The following SLIT2 variants were observed in gnomAD, a reference collection of about 807,000 sequenced individuals.
SLIT2 encodes the protein slit guidance ligand 2.
SLIT2 carries 41 observed loss-of-function variants against 185.7 expected under a neutral mutation model. The observed-to-expected ratio is 0.22, with a 90% CI of 0.17 to 0.29. SLIT2 has a LOEUF of 0.29. Ranked by LOEUF, SLIT2 falls within the 10% of genes least tolerant of loss-of-function variation. SLIT2 has a pLI of 1.00. For synonymous variants in SLIT2, 693 were observed against 680.2 expected (o/e 1.02, Z -0.29); for missense variants, 1,571 against 1,909.0 (o/e 0.82, Z 3.30).
intron 4 of SLIT2, among the ~76,000 whole-genome samples, chr4:20,459,655 A>G (rs1398251196): frequency 6.6e-6 from 1 of 152,080 alleles, no homozygotes; most frequent in African/African-American, 2.4e-5. Context: ...CTTATCTCCA[A>G]CATTTTATAA....
At chr4:20,393,025 G>A (rs1477922610) in intron 4 of SLIT2, among the ~76,000 whole-genome samples, 2 of 151,974 alleles carry the variant, frequency 1.3e-5, no homozygotes, top group East Asian at 3.9e-4. Context: ...TATATCACTG[G>A]TGGCACAGTA....
At chr4:20,438,029 T>G (rs1729476457) in intron 4 of SLIT2, among the ~76,000 whole-genome samples, 1 of 151,680 alleles carries the variant, frequency 6.6e-6, no homozygotes. Context: ...ATTCACAATA[T>G]ATCCAGAATC....
Position 20,252,693 on chromosome 4 carries a change from GAC to G in SLIT2, c.-1120_-1119del, listed in dbSNP as rs1722136543. Among the ~76,000 whole-genome samples, 1 of 152,194 alleles carries G rather than the reference GAC, an allele frequency of 6.6e-6. No individual in the cohort carries two copies. Among genetic ancestry groups the G allele is most frequent in the African/African-American group, 2.4e-5 (1 of 41,454 alleles). ...GCTTATCTGGGAGACGAGCGGGGTTGACACGCGCGCACACACTACTGCCATTC... is the reference window on the plus strand; with the variant it reads ...GCTTATCTGGGAGACGAGCGGGGTTGACGCGCGCACACACTACTGCCATTC... On this transcript the variant is annotated 5_prime_UTR_variant, in exon 1 of 37. Transcript: ENST00000504154.
At chr4:20,456,538 T>G (rs777332854) in intron 4 of SLIT2, among the ~76,000 whole-genome samples, 2 of 152,138 alleles carry the variant, frequency 1.3e-5, no homozygotes, top group Non-Finnish European at 2.9e-5. Context: ...CATGTCATCC[T>G]GGGTTGATGT....
chr4:20,570,861 G>T (rs1725547609), intron 29 of SLIT2, among the ~76,000 whole-genome samples: 1 of 151,274 alleles, frequency 6.6e-6, no homozygotes, highest in Admixed American at 6.6e-5. Flanking sequence ...GGACTCTTGA[G>T]TTGGTTTGGA....
intron 4 of SLIT2, among the ~76,000 whole-genome samples, chr4:20,443,203 G>A (rs559324699): frequency 1.3e-5 from 2 of 152,222 alleles, no homozygotes; most frequent in African/African-American, 4.8e-5. Flanking sequence ...GATGAAGTGT[G>A]GGGTATGGCA....
intron 26 of SLIT2, among the ~76,000 whole-genome samples, chr4:20,563,776 AC>A (rs1724878684): frequency 6.6e-6 from 1 of 151,682 alleles, no homozygotes; most frequent in Non-Finnish European, 1.5e-5. Context: ...TGTTCCTCCT[AC>A]CTATTCCAAC....
chr4:20,478,580 G>A (rs1716362193), intron 5 of SLIT2, among the ~76,000 whole-genome samples: 1 of 152,198 alleles, frequency 6.6e-6, no homozygotes, highest in Non-Finnish European at 1.5e-5. Context: ...AGCTGTGTCA[G>A]CATTGATTTA....
chr4:20,412,790 C>G lies in SLIT2; in HGVS notation c.396-54962C>G, dbSNP rs550198338. 2.1e-4 allele frequency among the ~76,000 whole-genome samples: 32 copies of G among 152,024 alleles called. 1 individual carries two copies. In the South Asian group the frequency reaches 6.4e-3, roughly 31 times the overall value. On this transcript the variant is annotated intron_variant, in intron 4 of 36. Coordinates refer to ENST00000504154, the MANE Select transcript of SLIT2 (RefSeq NM_004787.4). ...AATTTTAAGACTATTTTCCATAACC[C>G]CAAAAAGAAATCTTCAGCCCATTAG...
chr4:20,387,017 T>C (rs921933521), intron 4 of SLIT2, among the ~76,000 whole-genome samples: 3 of 152,206 alleles, frequency 2.0e-5, no homozygotes, highest in African/African-American at 7.2e-5. Context: ...TTATCAGTGC[T>C]GTTCTCTTAG....
At chr4:20,281,446 C>T (rs17601458) in intron 4 of SLIT2, among the ~76,000 whole-genome samples, 29,187 of 152,108 alleles carry the variant, frequency 0.19, 3,469 homozygotes, top group Middle Eastern at 0.32. Flanking sequence ...ATTGTGCACC[C>T]GGGACAATTC....
intron 9 of SLIT2, among the ~76,000 whole-genome samples, chr4:20,496,681 G>A (rs117794341): frequency 0.013 from 2,007 of 152,124 alleles, 27 homozygotes; most frequent in South Asian, 0.073. Flanking sequence ...TGAAGTAAAC[G>A]TTCTATGAAG....
At chr4:20,288,046 C>T (rs968304278) in intron 4 of SLIT2, among the ~76,000 whole-genome samples, 3 of 151,480 alleles carry the variant, frequency 2.0e-5, no homozygotes, top group African/African-American at 7.3e-5. Context: ...TATATAGTTG[C>T]ACATAACAGA....
At chr4:20,557,107 C>T (rs1003914863) in intron 26 of SLIT2, among the ~76,000 whole-genome samples, 3 of 152,020 alleles carry the variant, frequency 2.0e-5, no homozygotes, top group Admixed American at 1.3e-4. Context: ...AGGAAACAAG[C>T]CTTCTCTGTC....
chr4:20,520,717 G>T (rs977242347), intron 12 of SLIT2, among the ~76,000 whole-genome samples: 1 of 151,952 alleles, frequency 6.6e-6, no homozygotes, highest in African/African-American at 2.4e-5. Context: ...CCAAACAAAT[G>T]AAACAAAATG....
At chr4:20,535,401 T>A (rs1184069093) in intron 18 of SLIT2, among the ~76,000 whole-genome samples, 4 of 151,868 alleles carry the variant, frequency 2.6e-5, no homozygotes, top group African/African-American at 9.7e-5. Context: ...TTGTCTCAGG[T>A]AAAATACAAA....
chr4:20,261,673 T>A (rs1712491792), intron 3 of SLIT2, among the ~76,000 whole-genome samples: 2 of 151,868 alleles, frequency 1.3e-5, no homozygotes, highest in African/African-American at 2.4e-5. Flanking sequence ...TTTTTGAAAT[T>A]TTTTAGGGTT....
chr4:20,559,550 C>T (rs1724528272), intron 26 of SLIT2, among the ~76,000 whole-genome samples: 1 of 151,948 alleles, frequency 6.6e-6, no homozygotes, highest in African/African-American at 2.4e-5. Context: ...GTTGCCAATA[C>T]TACTACCACT....
At chr4:20,377,681 G>T (rs998897587) in intron 4 of SLIT2, among the ~76,000 whole-genome samples, 1 of 152,046 alleles carries the variant, frequency 6.6e-6, no homozygotes, top group Non-Finnish European at 1.5e-5. Context: ...TACTTACATT[G>T]AGGGAGTGAA....
Sources: gnomAD v4.1 joint callset for allele counts (sites outside exome capture counted in the v4.1 genomes callset) on GRCh38, gnomAD v4.1.1 for gene constraint, MANE v1.5 for transcripts, NCBI Gene and HGNC (gene_info 2026-07-23, HGNC 2026-07-21) for gene names.